The following SAMD5 variants were observed in gnomAD, a reference collection of about 807,000 sequenced individuals.
SAMD5 encodes sterile alpha motif domain-containing protein 5.
A neutral mutation model predicts 11.3 loss-of-function variants in SAMD5; 13 were observed. The observed-to-expected ratio is 1.15, with a 90% CI of 0.75 to 1.83. SAMD5 has a LOEUF of 1.83. Ranked by LOEUF, SAMD5 falls within the 40% of genes most tolerant of loss-of-function variation. The pLI, the probability that SAMD5 is intolerant of heterozygous loss-of-function variation, is 0.00. For synonymous variants in SAMD5, 129 were observed against 111.3 expected, an observed-to-expected ratio of 1.16 and a Z score of -1.00; for missense variants, 255 against 239.1, an observed-to-expected ratio of 1.07 and a Z score of -0.44.
chr6:147,948,941 A>G, the SAMD5 span, among the ~76,000 whole-genome samples: 1 of 152,196 alleles, frequency 6.6e-6, no homozygotes, highest in African/African-American at 2.4e-5. Context: ...CTGCAATAGA[A>G]TTTTTCTATT....
At chr6:147,656,027 T>C (rs1354222319) in intron 1 of SAMD5, among the ~76,000 whole-genome samples, 1 of 152,138 alleles carries the variant, frequency 6.6e-6, no homozygotes, top group Non-Finnish European at 1.5e-5. Context: ...ACCAGAGTCA[T>C]CTAATTATGG....
At chr6:147,868,303 A>G in the SAMD5 span, among the ~76,000 whole-genome samples, 1 of 152,194 alleles carries the variant, frequency 6.6e-6, no homozygotes, top group African/African-American at 2.4e-5. Context: ...TTGTCAGGTT[A>G]CGAGACATTA....
chr6:147,678,592 C>T (rs142314696), intron 1 of SAMD5, among the ~76,000 whole-genome samples: 119 of 152,264 alleles, frequency 7.8e-4, no homozygotes, highest in African/African-American at 2.8e-3. Context: ...TGGGGGACCT[C>T]ATCTATACCT....
At chr6:147,682,041 C>T (rs1307254257) in intron 1 of SAMD5, among the ~76,000 whole-genome samples, 1 of 151,358 alleles carries the variant, frequency 6.6e-6, no homozygotes, top group Non-Finnish European at 1.5e-5. Context: ...TGGAATCTCT[C>T]ATTCTGTGCA....
the SAMD5 span, among the ~76,000 whole-genome samples, chr6:147,896,226 A>T: frequency 1.3e-5 from 2 of 152,130 alleles, no homozygotes; most frequent in East Asian, 3.8e-4. Flanking sequence ...TCTGTTGAAC[A>T]CATTGTGTGG....
Position 147,600,819 on chromosome 6 carries a change from GGATGAGGGCAAAGGTGA to G in SAMD5, c.162+91440_162+91456del, listed in dbSNP as rs978873483. ...GTGAGAACAAATTATGGATTCTTGT[GGATGAGGGCAAAGGTGA>G]GATGAGGCTATCTCGAATCAGCTTC... On this transcript the variant is annotated intron_variant, in intron 1 of 1. Transcript: ENST00000566741. 9.9e-5 allele frequency among the ~76,000 whole-genome samples: 15 copies of G among 152,154 alleles called. 1 individual carries two copies. The highest frequency in any genetic ancestry group is 6.2e-4 in the South Asian group (3 of 4,826).
At chr6:147,950,439 G>C in the SAMD5 span, among the ~76,000 whole-genome samples, 1 of 152,158 alleles carries the variant, frequency 6.6e-6, no homozygotes, top group Non-Finnish European at 1.5e-5. Flanking sequence ...AGGTTTGTGC[G>C]TGGCATTCAG....
intron 1 of SAMD5, 49 bp from the exon 2 acceptor site, chr6:147,564,345 G>A (rs1396622362): frequency 2.6e-6 from 2 of 775,522 alleles, no homozygotes; most frequent in East Asian, 4.9e-5. Context: ...ACTAGGGGAA[G>A]AATGGGTAAA....
intron 1 of SAMD5, among the ~76,000 whole-genome samples, chr6:147,695,962 C>T (rs377313123): frequency 6.6e-6 from 1 of 152,216 alleles, no homozygotes; most frequent in South Asian, 2.1e-4. Flanking sequence ...CAAATTAACA[C>T]CCTCTAGTTA....
chr6:147,645,648 G>T, intron 1 of SAMD5, among the ~76,000 whole-genome samples: 1 of 152,108 alleles, frequency 6.6e-6, no homozygotes, highest in Non-Finnish European at 1.5e-5. Flanking sequence ...TATAGGAGCA[G>T]GGTATAAGCT....
chr6:147,898,644 G>T, the SAMD5 span, among the ~76,000 whole-genome samples: 1 of 152,036 alleles, frequency 6.6e-6, no homozygotes, highest in South Asian at 2.1e-4. Flanking sequence ...TGAATAATCT[G>T]GTCTTATTCA....
intron 1 of SAMD5, among the ~76,000 whole-genome samples, chr6:147,626,453 A>G (rs1393415047): frequency 6.6e-6 from 1 of 151,640 alleles, no homozygotes; most frequent in African/African-American, 2.4e-5. Context: ...GTTTTTGTAA[A>G]TAATTGCCCC....
chr6:147,898,302 G>C, the SAMD5 span, among the ~76,000 whole-genome samples: 3 of 152,174 alleles, frequency 2.0e-5, no homozygotes, highest in African/African-American at 4.8e-5. Context: ...GCCAAATTAT[G>C]ATCAGAAGGT....
chr6:147,690,967 G>A (rs1052895179), intron 1 of SAMD5, among the ~76,000 whole-genome samples: 11 of 73,424 alleles, frequency 1.5e-4, no homozygotes, highest in Non-Finnish European at 2.4e-4. Flanking sequence ...CAGCTCTCGG[G>A]TTTTTTTTTT....
intron 1 of SAMD5, among the ~76,000 whole-genome samples, chr6:147,524,239 T>C (rs1788300659): frequency 6.6e-6 from 1 of 152,056 alleles, no homozygotes; most frequent in South Asian, 2.1e-4. Flanking sequence ...CACTGTGGCA[T>C]GACCCACTTT....
In SAMD5 at chr6:147,717,669, G is replaced by A. The variant is rs192361529; in HGVS notation, c.163-19648G>A. Among the ~76,000 whole-genome samples, 14 of 152,192 alleles carry A rather than the reference G, an allele frequency of 9.2e-5. No individual in the cohort carries two copies. The East Asian group carries it at 1.4e-3, about 15-fold the overall frequency. ...GCAAGACCAGCTTGGCCAACATGGC[G>A]AAACCCTGTTTCTACTAAAAAATAC... On this transcript the variant is annotated intron_variant, in intron 1 of 1. Transcript: ENST00000566741.
the SAMD5 span, among the ~76,000 whole-genome samples, chr6:147,771,679 C>T: frequency 6.6e-6 from 1 of 152,252 alleles, no homozygotes; most frequent in Admixed American, 6.5e-5. Flanking sequence ...CATCACCAAA[C>T]ATTCTAGAAA....
intron 1 of SAMD5, among the ~76,000 whole-genome samples, chr6:147,653,184 T>C (rs188659818): frequency 6.6e-6 from 1 of 152,342 alleles, no homozygotes; most frequent in African/African-American, 2.4e-5. Flanking sequence ...GTACCAAATT[T>C]TGATCTAAAT....
At chr6:147,716,414 GC>G (rs1314998047) in intron 1 of SAMD5, among the ~76,000 whole-genome samples, 1 of 152,226 alleles carries the variant, frequency 6.6e-6, no homozygotes, top group Non-Finnish European at 1.5e-5. Context: ...TCCTTCCCAG[GC>G]CCCTGAGAGT....
Sources: gnomAD v4.1 joint callset for allele counts (sites outside exome capture counted in the v4.1 genomes callset) on GRCh38, gnomAD v4.1.1 for gene constraint, MANE v1.5 for transcripts, NCBI Gene and HGNC (gene_info 2026-07-23, HGNC 2026-07-21) for gene names.